Variants in OSTN observed in about 807,000 individuals in gnomAD.
OSTN encodes the protein osteocrin.
A neutral mutation model predicts 12.0 loss-of-function variants in OSTN; 9 were observed. The ratio of observed to expected loss-of-function variants is 0.75; its 90% CI spans 0.45 to 1.30. OSTN has a LOEUF of 1.30. Ranked by LOEUF, OSTN falls within the 50% of genes most tolerant of loss-of-function variation. The pLI is 0.00. For synonymous variants in OSTN, 59 were observed against 56.9 expected (o/e 1.04, Z -0.16); for missense variants, 148 against 152.3 (o/e 0.97, Z 0.15).
chr3:191,254,395 A>G (rs1715626631), intron 4 of OSTN, among the ~76,000 whole-genome samples: 1 of 152,256 alleles, frequency 6.6e-6, no homozygotes, highest in Non-Finnish European at 1.5e-5. Flanking sequence ...TTGTTTACAT[A>G]TAAGTGGCTG....
At chr3:191,217,831 C>A (rs1714656690) in intron 2 of OSTN, among the ~76,000 whole-genome samples, 1 of 151,776 alleles carries the variant, frequency 6.6e-6, no homozygotes, top group South Asian at 2.1e-4. Flanking sequence ...TTTTTGTATC[C>A]TTCATGTCCA....
chr3:191,213,959 G>A (rs1411442993), intron 2 of OSTN, among the ~76,000 whole-genome samples: 1 of 152,070 alleles, frequency 6.6e-6, no homozygotes, highest in African/African-American at 2.4e-5. Flanking sequence ...ATGTTATCAG[G>A]CTTATATAAG....
intron 1 of OSTN, among the ~76,000 whole-genome samples, chr3:191,202,381 C>T (rs1714169951): frequency 6.6e-6 from 1 of 152,160 alleles, no homozygotes; most frequent in Non-Finnish European, 1.5e-5. Context: ...GGAGTTTCCA[C>T]CTGAACCAGG....
At chr3:191,203,411 G>T (rs528127181) in intron 1 of OSTN, among the ~76,000 whole-genome samples, 1 of 152,086 alleles carries the variant, frequency 6.6e-6, no homozygotes, top group South Asian at 2.1e-4. Context: ...TAGGTTTCTG[G>T]CTTCTTAATT....
intron 2 of OSTN, among the ~76,000 whole-genome samples, chr3:191,216,821 A>G (rs1313568565): frequency 6.6e-6 from 1 of 152,186 alleles, no homozygotes; most frequent in East Asian, 1.9e-4. Flanking sequence ...TTTTGGTAAA[A>G]AATATTCAAC....
rs73888516 is a variant in OSTN at position 191,259,047 on chromosome 3, G to A, written c.*13-3819G>A. On this transcript the variant is annotated intron_variant, in intron 4 of 4. Transcript: ENST00000682035. ...AAACTGCAAGGAAAGAAGACTCCCAGAAAGGAGTAAGAGTACTCTGAGTTA... is the reference window on the plus strand; with the variant it reads ...AAACTGCAAGGAAAGAAGACTCCCAAAAAGGAGTAAGAGTACTCTGAGTTA... 3.7e-3 allele frequency among the ~76,000 whole-genome samples: 566 copies of A among 152,298 alleles called. 7 individuals are homozygous for A. The highest frequency in any genetic ancestry group is 0.013 in the African/African-American group (547 of 41,550).
intron 3 of OSTN, among the ~76,000 whole-genome samples, chr3:191,245,657 T>C (rs953146827): frequency 1.3e-5 from 2 of 152,170 alleles, no homozygotes; most frequent in African/African-American, 2.4e-5. Context: ...AAAGATCAAC[T>C]GTAGTAAAGC....
chr3:191,231,731 G>A (rs532343573), intron 3 of OSTN, among the ~76,000 whole-genome samples: 8 of 152,212 alleles, frequency 5.3e-5, no homozygotes, highest in Non-Finnish European at 8.8e-5. Context: ...TACTTACTAA[G>A]AGAAGGTAAT....
chr3:191,204,449 G>A (rs1490938387), intron 1 of OSTN, among the ~76,000 whole-genome samples: 2 of 152,270 alleles, frequency 1.3e-5, no homozygotes, highest in African/African-American at 4.8e-5. Context: ...GCTCTTGGGT[G>A]AAAATCCTCA....
At chr3:191,255,027 G>A (rs1041941811) in intron 4 of OSTN, among the ~76,000 whole-genome samples, 3 of 152,132 alleles carry the variant, frequency 2.0e-5, no homozygotes, top group Non-Finnish European at 2.9e-5. Flanking sequence ...TTTCGGCGCC[G>A]GGGACTGGTT....
At chr3:191,226,558 C>A (rs1300010460) in intron 3 of OSTN, among the ~76,000 whole-genome samples, 2 of 152,124 alleles carry the variant, frequency 1.3e-5, no homozygotes, top group African/African-American at 4.8e-5. Context: ...ATAAAAAGTG[C>A]CATCAGTGTT....
At chr3:191,230,786 T>C (rs924208013) in intron 3 of OSTN, among the ~76,000 whole-genome samples, 6 of 152,172 alleles carry the variant, frequency 3.9e-5, no homozygotes, top group Non-Finnish European at 8.8e-5. Flanking sequence ...TGGAGCTAGA[T>C]TGCAAAGGTT....
intron 3 of OSTN, among the ~76,000 whole-genome samples, chr3:191,247,804 T>C (rs112164564): frequency 0.011 from 1,709 of 152,266 alleles, 29 homozygotes; most frequent in African/African-American, 0.033. Context: ...GGTACAACAA[T>C]AAAAATCTCT....
Position 191,218,744 on chromosome 3 carries a change from T to G in OSTN, c.103-3T>G. The G allele has an allele frequency of 6.2e-7, 1 of 1,613,044 alleles. No homozygotes were observed. Among genetic ancestry groups the G allele is most frequent in the Non-Finnish European group, 8.5e-7 (1 of 1,179,136 alleles). ...AACGGAATCGCCTTTCTCTGCCTTA[T>G]AGGCCTTTGATTCTGGAGTCATAGA... On this transcript the variant is annotated splice_polypyrimidine_tract_variant and splice_region_variant and intron_variant, in intron 2 of 4. Transcript: ENST00000682035.
At chr3:191,255,522 C>A (rs1433726254) in intron 4 of OSTN, among the ~76,000 whole-genome samples, 1 of 152,154 alleles carries the variant, frequency 6.6e-6, no homozygotes, top group African/African-American at 2.4e-5. Flanking sequence ...CCAGTGTCTG[C>A]AATTGTGTAC....
At chr3:191,221,478 T>A (rs1201485990) in intron 3 of OSTN, among the ~76,000 whole-genome samples, 1 of 152,106 alleles carries the variant, frequency 6.6e-6, no homozygotes, top group East Asian at 1.9e-4. Context: ...GTCAATGAAG[T>A]CCAGGCTGAG....
At chr3:191,227,733 C>T (rs904673582) in intron 3 of OSTN, among the ~76,000 whole-genome samples, 1 of 152,032 alleles carries the variant, frequency 6.6e-6, no homozygotes, top group East Asian at 1.9e-4. Context: ...TGTTGACAGA[C>T]GACCATCTGG....
chr3:191,233,428 A>G (rs2108542542), intron 3 of OSTN, among the ~76,000 whole-genome samples: 1 of 152,062 alleles, frequency 6.6e-6, no homozygotes, highest in Non-Finnish European at 1.5e-5. Context: ...TTACCATTTT[A>G]TTTCTGTTTT....
At chr3:191,247,273 C>T (rs1715455114) in intron 3 of OSTN, among the ~76,000 whole-genome samples, 1 of 152,012 alleles carries the variant, frequency 6.6e-6, no homozygotes, top group South Asian at 2.1e-4. Flanking sequence ...ATTAATTTTA[C>T]AAATAACATG....
Sources: gnomAD v4.1 joint callset for allele counts (sites outside exome capture counted in the v4.1 genomes callset) on GRCh38, gnomAD v4.1.1 for gene constraint, MANE v1.5 for transcripts, NCBI Gene and HGNC (gene_info 2026-07-23, HGNC 2026-07-21) for gene names.